The following TMCO4 variants were observed in gnomAD, a reference collection of about 807,000 sequenced individuals.
The protein encoded by TMCO4 is transmembrane and coiled-coil domains 4, also known as transmembrane and coiled-coil domain-containing protein 4.
In TMCO4, 58 loss-of-function variants were observed where a neutral mutation model predicts 64.7. That is an observed-to-expected ratio of 0.90 (90% CI 0.73 to 1.12). The LOEUF (loss-of-function observed/expected upper bound fraction) is 1.12, where lower values mean the gene tolerates loss of function less well. Among genes scored for constraint, TMCO4 ranks in the 50% most tolerant of loss-of-function variants. TMCO4 has a pLI of 0.00. For synonymous variants in TMCO4, 325 were observed against 346.1 expected (o/e 0.94, Z 0.68); for missense variants, 780 against 825.9 (o/e 0.94, Z 0.68).
intron 7 of TMCO4, among the ~76,000 whole-genome samples, chr1:19,752,451 T>C (rs1160385578): frequency 2.6e-5 from 4 of 152,214 alleles, no homozygotes; most frequent in South Asian, 2.1e-4. Context: ...GACGCCCGCA[T>C]TGCCCATCTC....
intron 13 of TMCO4, among the ~76,000 whole-genome samples, chr1:19,718,526 G>A (rs183279872): frequency 3.2e-4 from 49 of 150,976 alleles, no homozygotes; most frequent in Non-Finnish European, 5.2e-4. Flanking sequence ...GGTGGCATGC[G>A]CCTGTATTCC....
chr1:19,682,766 C>T lies in TMCO4; in HGVS notation c.*274G>A. 1 of 719,394 alleles carries T rather than the reference C, an allele frequency of 1.4e-6. No individual in the cohort carries two copies. The highest frequency in any genetic ancestry group is 2.6e-6 in the Non-Finnish European group (1 of 386,872). 44.6% of individuals were successfully genotyped at this position (719,394 alleles called of 1,614,324 possible). A position where few individuals can be genotyped will look rare whatever the true frequency, so the allele number is the denominator to read the frequency against. On this transcript the variant is annotated 3_prime_UTR_variant, in exon 16 of 16. Transcript: ENST00000294543. ...TTGGTTTCCGGTCCTGGGACTCTAA[C>T]CTGTGCTTGGTTGACTCTGCAGGTC...
intron 2 of TMCO4, among the ~76,000 whole-genome samples, chr1:19,796,544 G>C (rs555682928): frequency 6.6e-6 from 1 of 151,940 alleles, no homozygotes; most frequent in South Asian, 2.1e-4. Flanking sequence ...CTCCACTCCC[G>C]CCTCTAACCC....
intron 7 of TMCO4, among the ~76,000 whole-genome samples, chr1:19,752,864 G>A (rs891729228): frequency 2.0e-5 from 3 of 151,364 alleles, no homozygotes; most frequent in Non-Finnish European, 2.9e-5. Flanking sequence ...GAGTGAGATG[G>A]CATCTTGTGC....
chr1:19,738,436 A>C (rs2100832886), intron 12 of TMCO4: 1 of 152,302 alleles, frequency 6.6e-6, no homozygotes, highest in African/African-American at 2.4e-5. Flanking sequence ...AGGAAAGGGG[A>C]TCCTCCCTAA....
chr1:19,684,063 CTTTTTTTT>C lies in TMCO4; in HGVS notation c.1501-627_1501-620del, dbSNP rs3048209. 1.6e-4 allele frequency among the ~76,000 whole-genome samples: 11 copies of C among 70,310 alleles called. No homozygotes were observed. In the South Asian group the frequency reaches 4.0e-3, roughly 26 times the overall value. 46.1% of individuals were successfully genotyped at this position (70,310 alleles called of 152,430 possible). A position where few individuals can be genotyped will look rare whatever the true frequency, so the allele number is the denominator to read the frequency against. ...AGGCGTGAGCCACTGTGCCCGGCAG[CTTTTTTTT>C]TTTTTTTTTTTTTTTTTAAGGGATG... On this transcript the variant is annotated intron_variant, in intron 15 of 15. Coordinates refer to ENST00000294543, the MANE Select transcript of TMCO4 (RefSeq NM_181719.7).
intron 13 of TMCO4, among the ~76,000 whole-genome samples, chr1:19,702,055 C>T (rs910664922): frequency 2.0e-5 from 3 of 152,012 alleles, no homozygotes; most frequent in African/African-American, 4.8e-5. Flanking sequence ...CTGCAAGCTC[C>T]GCCTCCTGGG....
At chr1:19,699,115 G>C (rs2095254985) in intron 14 of TMCO4, among the ~76,000 whole-genome samples, 1 of 151,886 alleles carries the variant, frequency 6.6e-6, no homozygotes, top group South Asian at 2.1e-4. Context: ...AGAATGGCAT[G>C]AACCTGGGGG....
At chr1:19,759,532 G>A (rs994593283) in intron 6 of TMCO4, among the ~76,000 whole-genome samples, 6 of 152,212 alleles carry the variant, frequency 3.9e-5, no homozygotes, top group South Asian at 2.1e-4. Flanking sequence ...CATCCTCTCC[G>A]ACCTCACCTT....
At chr1:19,786,043 G>C (rs1242001329) in intron 3 of TMCO4, among the ~76,000 whole-genome samples, 1 of 152,132 alleles carries the variant, frequency 6.6e-6, no homozygotes, top group African/African-American at 2.4e-5. Context: ...AGGACTGCAG[G>C]AGCCTGGGCA....
intron 13 of TMCO4, among the ~76,000 whole-genome samples, chr1:19,713,642 T>C (rs1275173298): frequency 1.3e-5 from 2 of 152,062 alleles, no homozygotes; most frequent in African/African-American, 2.4e-5. Flanking sequence ...AAGGCTGTAG[T>C]GAGCTATGGT....
chr1:19,764,119 C>T (rs888209882), intron 6 of TMCO4, among the ~76,000 whole-genome samples: 3 of 152,208 alleles, frequency 2.0e-5, no homozygotes, highest in Admixed American at 6.5e-5. Flanking sequence ...TGGTTCCTGC[C>T]GCATGGGCAC....
intron 14 of TMCO4, among the ~76,000 whole-genome samples, chr1:19,696,103 C>G (rs1305732822): frequency 6.6e-6 from 1 of 152,304 alleles, no homozygotes; most frequent in African/African-American, 2.4e-5. Context: ...CCTAGAACAC[C>G]CATCTGACCA....
At chr1:19,693,026 A>C (rs1202435126) in intron 15 of TMCO4, among the ~76,000 whole-genome samples, 3 of 151,514 alleles carry the variant, frequency 2.0e-5, no homozygotes, top group Non-Finnish European at 4.4e-5. Context: ...ACAAAAAATT[A>C]GCTAGATGTG....
chr1:19,799,509 G>A (rs2044495884), intron 1 of TMCO4, among the ~76,000 whole-genome samples: 1 of 152,230 alleles, frequency 6.6e-6, no homozygotes. Context: ...CATTTGTCAA[G>A]GGAGCGGCTG....
chr1:19,791,467 C>T (rs1447806218), intron 2 of TMCO4, among the ~76,000 whole-genome samples: 3 of 152,180 alleles, frequency 2.0e-5, no homozygotes, highest in African/African-American at 4.8e-5. Context: ...ACTGGACAGG[C>T]TGGGACCCCA....
At chr1:19,730,192 CAT>C (rs1286673106) in intron 13 of TMCO4, among the ~76,000 whole-genome samples, 2 of 152,212 alleles carry the variant, frequency 1.3e-5, no homozygotes, top group African/African-American at 4.8e-5. Flanking sequence ...GTAAAAGTCA[CAT>C]GTGTTACTTA....
At chr1:19,746,720 C>G in intron 8 of TMCO4, 121 bp from the exon 9 acceptor site, 3 of 1,233,172 alleles carry the variant, frequency 2.4e-6, no homozygotes, top group African/African-American at 1.5e-5. Flanking sequence ...GTCAGGAGAT[C>G]GAGACTATCC....
In TMCO4 at chr1:19,713,617, T is replaced by C. The variant is rs1014683617; in HGVS notation, c.1265-12732A>G. Among the ~76,000 whole-genome samples the C allele has an allele frequency of 4.6e-5, 7 of 152,220 alleles. 1 individual carries two copies. The highest frequency in any genetic ancestry group is 3.9e-4 in the East Asian group (2 of 5,168). ...AGGAGGTTGAGGCAGGAGGATGGCTTGAGCCCAGGAGTTCAAGGCTGTAGT... is the reference window on the plus strand; with the variant it reads ...AGGAGGTTGAGGCAGGAGGATGGCTCGAGCCCAGGAGTTCAAGGCTGTAGT... On this transcript the variant is annotated intron_variant, in intron 13 of 15. Transcript: ENST00000294543.
Sources: gnomAD v4.1 joint callset for allele counts (sites outside exome capture counted in the v4.1 genomes callset) on GRCh38, gnomAD v4.1.1 for gene constraint, MANE v1.5 for transcripts, NCBI Gene and HGNC (gene_info 2026-07-23, HGNC 2026-07-21) for gene names.